RBFOX1: variants seen among roughly 807,000 people sequenced by gnomAD.
RBFOX1 encodes the protein RNA binding protein fox-1 homolog 1.
Under a neutral mutation model 57.7 loss-of-function variants are expected in RBFOX1, and 8 were observed. The ratio of observed to expected loss-of-function variants is 0.14; its 90% CI spans 0.08 to 0.25. RBFOX1 has a LOEUF of 0.25. Among genes scored for constraint, RBFOX1 ranks in the 10% least tolerant of loss-of-function variants. The pLI is 1.00. For synonymous variants in RBFOX1, 326 were observed against 222.4 expected, an observed-to-expected ratio of 1.47 and a Z score of -4.15; for missense variants, 611 against 548.5, an observed-to-expected ratio of 1.11 and a Z score of -1.14.
At chr16:6,315,563 GGA>G in intron 1 of RBFOX1, among the ~76,000 whole-genome samples, 1 of 72,036 alleles carries the variant, frequency 1.4e-5, no homozygotes, top group African/African-American at 4.0e-5. Flanking sequence ...ATGGATGGAT[GGA>G]TGGATGGATG....
chr16:7,396,523 G>C (rs907142793), intron 4 of RBFOX1, among the ~76,000 whole-genome samples: 2 of 152,190 alleles, frequency 1.3e-5, no homozygotes, highest in Admixed American at 1.3e-4. Context: ...CAGTCACTCA[G>C]AGTAGCTTAA....
rs555530520 is a variant in RBFOX1, at chr16:6,998,931, C to T, written c.-15-53126C>T. Among the ~76,000 whole-genome samples the T allele has an allele frequency of 7.0e-4, 105 of 150,744 alleles. 1 individual carries two copies. The highest frequency in any genetic ancestry group is 3.5e-3 in the Middle Eastern group (1 of 284). On this transcript the variant is annotated intron_variant, in intron 3 of 15. Transcript: ENST00000550418. ...TCACCCAGGCTGGAGTGCAGTGGCA[C>T]GATCTAGGCTCACTGTAACCTCCGC...
chr16:7,469,136 G>C (rs569978771), intron 4 of RBFOX1, among the ~76,000 whole-genome samples: 10 of 152,146 alleles, frequency 6.6e-5, no homozygotes, highest in African/African-American at 2.4e-4. Context: ...GGGTTTGACC[G>C]TGTTAGCCAG....
chr16:5,457,345 G>C (rs1183339228), intron 1 of RBFOX1, among the ~76,000 whole-genome samples: 1 of 152,152 alleles, frequency 6.6e-6, no homozygotes, highest in African/African-American at 2.4e-5. Context: ...ATGTTGGCCA[G>C]GCTGGTCTCG....
intron 2 of RBFOX1, chr16:5,467,324 C>T: frequency 7.1e-7 from 1 of 1,410,170 alleles, no homozygotes; most frequent in Non-Finnish European, 9.7e-7. Context: ...ATAGAAAAAT[C>T]TTGCGTCACA....
chr16:5,265,342 A>AC (rs35636137), intron 1 of RBFOX1, among the ~76,000 whole-genome samples: 52,223 of 151,990 alleles, frequency 0.34, 9,151 homozygotes, highest in Middle Eastern at 0.39. Flanking sequence ...TGGTAGAACC[A>AC]CCTTTTACTG....
chr16:6,945,415 A>G (rs1568012241), intron 3 of RBFOX1, among the ~76,000 whole-genome samples: 1 of 147,466 alleles, frequency 6.8e-6, no homozygotes, highest in Non-Finnish European at 1.5e-5. Context: ...CCATGCAGGA[A>G]TGTAGATCCA....
chr16:5,844,526 G>A (rs917492629), intron 3 of RBFOX1, among the ~76,000 whole-genome samples: 2 of 152,148 alleles, frequency 1.3e-5, no homozygotes, highest in African/African-American at 4.8e-5. Flanking sequence ...CCTTGGACAT[G>A]TGTGTAAGTC....
intron 4 of RBFOX1, among the ~76,000 whole-genome samples, chr16:7,238,449 C>G (rs1163594506): frequency 1.3e-5 from 2 of 152,192 alleles, no homozygotes; most frequent in African/African-American, 4.8e-5. Context: ...TTCCACAGAG[C>G]CTTTGCATGG....
chr16:7,194,442 G>A (rs7205772), intron 4 of RBFOX1, among the ~76,000 whole-genome samples: 97,244 of 152,046 alleles, frequency 0.64, 31,753 homozygotes, highest in African/African-American at 0.77. Context: ...CAGGATGACC[G>A]TCTAGTGACT....
At chr16:5,293,569 C>G (rs1340296765) in intron 1 of RBFOX1, among the ~76,000 whole-genome samples, 1 of 152,172 alleles carries the variant, frequency 6.6e-6, no homozygotes, top group Non-Finnish European at 1.5e-5. Context: ...GTAGTAGGCA[C>G]CAATACTTCC....
Position 6,654,712 on chromosome 16 carries a change from C to G in RBFOX1, c.-16+62C>G, listed in dbSNP as rs1316535800. 11 of 1,337,470 alleles carry G rather than the reference C, an allele frequency of 8.2e-6. No homozygotes were observed. In the South Asian group the frequency reaches 1.6e-4, roughly 19 times the overall value. 82.9% of individuals were successfully genotyped at this position (1,337,470 alleles called of 1,614,324 possible). A position where few individuals can be genotyped will look rare whatever the true frequency, so the allele number is the denominator to read the frequency against. On this transcript the variant is annotated intron_variant, in intron 3 of 15. Coordinates refer to ENST00000550418, the MANE Select transcript of RBFOX1 (RefSeq NM_018723.4). ...AAACAAGAACTCTGTGAATTGAACC[C>G]AGGTGTTTAAGGCATGCCCCTCTCG... is the stretch of plus-strand genomic sequence containing the variant.
chr16:5,250,758 G>T (rs999149820), intron 1 of RBFOX1, among the ~76,000 whole-genome samples: 1 of 152,142 alleles, frequency 6.6e-6, no homozygotes, highest in Admixed American at 6.5e-5. Context: ...ACCACGCTTC[G>T]TTTAACCAGC....
intron 3 of RBFOX1, among the ~76,000 whole-genome samples, chr16:5,702,600 T>C (rs2051092630): frequency 6.6e-6 from 1 of 152,222 alleles, no homozygotes; most frequent in Non-Finnish European, 1.5e-5. Flanking sequence ...TATACTTCCC[T>C]GGTTGTTTTT....
intron 3 of RBFOX1, among the ~76,000 whole-genome samples, chr16:6,658,098 G>GC (rs1568084412): frequency 1.3e-5 from 2 of 152,012 alleles, no homozygotes. Flanking sequence ...GTCCTACGGG[G>GC]CCTCTCCAAA....
chr16:5,351,534 T>C (rs1011983761), intron 1 of RBFOX1, among the ~76,000 whole-genome samples: 11 of 152,328 alleles, frequency 7.2e-5, no homozygotes, highest in Admixed American at 2.0e-4. Flanking sequence ...CCCAGGCATA[T>C]ATGAATGGCA....
chr16:7,360,627 A>G (rs993387999), intron 4 of RBFOX1, among the ~76,000 whole-genome samples: 38 of 152,224 alleles, frequency 2.5e-4, no homozygotes, highest in Admixed American at 3.9e-4. Context: ...CAAAGGAATT[A>G]TCCCTCCCTA....
intron 3 of RBFOX1, among the ~76,000 whole-genome samples, chr16:6,763,019 A>T (rs1344705488): frequency 9.4e-6 from 1 of 106,456 alleles, no homozygotes; most frequent in Non-Finnish European, 2.0e-5. Context: ...TGCAAGATAG[A>T]GAATGTGACG....
chr16:7,634,118 C>T (rs1466648233), intron 11 of RBFOX1, among the ~76,000 whole-genome samples: 1 of 152,190 alleles, frequency 6.6e-6, no homozygotes, highest in Admixed American at 6.5e-5. Flanking sequence ...TGGGTGCAGA[C>T]TTTTTCTCTA....
Sources: allele counts gnomAD v4.1 joint callset (sites outside exome capture counted in the v4.1 genomes callset), GRCh38; gene constraint gnomAD v4.1.1; transcripts MANE v1.5; gene names NCBI Gene and HGNC (gene_info 2026-07-23, HGNC 2026-07-21).